The following TTC28 variants were observed in gnomAD, a reference collection of about 807,000 sequenced individuals.
TTC28 encodes tetratricopeptide repeat protein 28.
In TTC28, 61 loss-of-function variants were observed where a neutral mutation model predicts 198.0. The observed-to-expected ratio is 0.31, with a 90% CI of 0.25 to 0.38. The LOEUF (loss-of-function observed/expected upper bound fraction) is 0.38, where lower values mean the gene tolerates loss of function less well. Among genes scored for constraint, TTC28 ranks in the 10% least tolerant of loss-of-function variants. TTC28 has a pLI of 1.00. For missense variants in TTC28, 2,678 were observed against 3,164.0 expected, an observed-to-expected ratio of 0.85 and a Z score of 3.69; for synonymous variants, 1,171 against 1,297.8, an observed-to-expected ratio of 0.90 and a Z score of 2.10.
At chr22:28,111,183 C>T (rs926799610) in intron 6 of TTC28, among the ~76,000 whole-genome samples, 6 of 151,506 alleles carry the variant, frequency 4.0e-5, no homozygotes, top group Admixed American at 6.6e-5. Context: ...TTTTCTATGA[C>T]GAACATATAA....
At chr22:28,549,267 G>A (rs1474319234) in intron 2 of TTC28, among the ~76,000 whole-genome samples, 1 of 152,072 alleles carries the variant, frequency 6.6e-6, no homozygotes, top group East Asian at 1.9e-4. Flanking sequence ...GACCTCAGGT[G>A]ATCTACCCAC....
At chr22:28,461,437 G>T (rs1387707951) in intron 2 of TTC28, among the ~76,000 whole-genome samples, 1 of 146,660 alleles carries the variant, frequency 6.8e-6, no homozygotes, top group Non-Finnish European at 1.5e-5. Context: ...TCTTTCTTCA[G>T]TTTTTTTTTT....
At chr22:27,991,858 T>A (rs1420473394) in intron 19 of TTC28, among the ~76,000 whole-genome samples, 1 of 152,204 alleles carries the variant, frequency 6.6e-6, no homozygotes, top group Non-Finnish European at 1.5e-5. Flanking sequence ...CTGAACTAGA[T>A]CTGTATTTTC....
intron 5 of TTC28, among the ~76,000 whole-genome samples, chr22:28,268,904 A>C (rs1178488714): frequency 6.6e-6 from 1 of 152,154 alleles, no homozygotes; most frequent in Non-Finnish European, 1.5e-5. Context: ...TACTATGACA[A>C]TCTATTCTTT....
At chr22:28,162,316 TTAA>T (rs1921308260) in intron 6 of TTC28, among the ~76,000 whole-genome samples, 1 of 152,240 alleles carries the variant, frequency 6.6e-6, no homozygotes, top group Admixed American at 6.5e-5. Flanking sequence ...ATTAAAACTA[TTAA>T]TATTATTTTT....
Position 28,094,159 on chromosome 22 carries a change from G to C in TTC28, c.3853C>G (p.Pro1285Ala), listed in dbSNP as rs1569135226. The change falls in exon 12 of 23, where the codon CCA becomes GCA. Residue 1285 changes from proline to alanine, a missense_variant. Physicochemically the swap from Pro to Ala is conservative, Grantham distance 27 (BLOSUM62 -1). Coordinates refer to ENST00000397906, the MANE Select transcript of TTC28 (RefSeq NM_001145418.2). The stretch of plus-strand genomic sequence containing the variant: ...TCCAGGGCTGAGCCGGTTGCTGTTG[G>C]AAGGGTTACACTGCTGCTGGCCTGG... ...DFQASSSVTL[P>A]TATGSALEQH... The C allele has an allele frequency of 2.6e-6, 4 of 1,551,646 alleles. No homozygotes were observed. The highest frequency in any genetic ancestry group is 3.5e-6 in the Non-Finnish European group (4 of 1,146,944).
rs1199331445 is a variant in TTC28, at chr22:28,677,176, ATAT to A, written c.102+2443_102+2445del. Among the ~76,000 whole-genome samples, 149 of 59,328 alleles carry A rather than the reference ATAT, an allele frequency of 2.5e-3. 2 individuals carry two copies. Among genetic ancestry groups the A allele is most frequent in the African/African-American group, 1.8e-3 (22 of 12,168 alleles). The allele number at this position is 59,328 out of a possible 152,430, so 38.9% of individuals were successfully genotyped here. A position where few individuals can be genotyped will look rare whatever the true frequency, so the allele number is the denominator to read the frequency against. On this transcript the variant is annotated intron_variant, in intron 1 of 22. Transcript: ENST00000397906. ...ATCTCAGGAAAAAAAAAAAAAAAAAATATATATATATATATATATATATATACA... is the reference window on the plus strand; with the variant it reads ...ATCTCAGGAAAAAAAAAAAAAAAAAAATATATATATATATATATATATACA...
At chr22:28,357,780 C>A (rs1227803851) in intron 2 of TTC28, among the ~76,000 whole-genome samples, 2 of 152,186 alleles carry the variant, frequency 1.3e-5, no homozygotes, top group African/African-American at 4.8e-5. Flanking sequence ...CCAATACACA[C>A]CTTGACCCAC....
chr22:28,280,772 G>C (rs2044568898), intron 5 of TTC28, among the ~76,000 whole-genome samples: 1 of 152,044 alleles, frequency 6.6e-6, no homozygotes, highest in Admixed American at 6.5e-5. Context: ...ATTTCTTATA[G>C]CGCAGGTCTG....
chr22:28,111,354 C>T (rs1418185972), intron 6 of TTC28, among the ~76,000 whole-genome samples: 1 of 152,134 alleles, frequency 6.6e-6, no homozygotes, highest in Non-Finnish European at 1.5e-5. Context: ...AAAATCTAAG[C>T]TTCCCGAGAG....
chr22:28,115,610 A>C (rs978875960), intron 6 of TTC28, among the ~76,000 whole-genome samples: 1 of 152,386 alleles, frequency 6.6e-6, no homozygotes, highest in East Asian at 1.9e-4. Context: ...AGGAGGATGC[A>C]GATGTAATCT....
At position 28,215,300 on chromosome 22, in the gene TTC28, G is replaced by T. The variant is rs115996548; in HGVS notation, c.934-51701C>A. 9.7e-3 allele frequency among the ~76,000 whole-genome samples: 1,469 copies of T among 152,118 alleles called. 21 individuals carry two copies. Among genetic ancestry groups the T allele is most frequent in the African/African-American group, 0.033 (1,389 of 41,510 alleles). Reference sequence around the variant, plus strand: ...GTATAATAATAAATAAATAAATAAAGAAGACTGGATCAGATGGTCTGCATG... The same window carrying T: ...GTATAATAATAAATAAATAAATAAATAAGACTGGATCAGATGGTCTGCATG... On this transcript the variant is annotated intron_variant, in intron 5 of 22. Coordinates refer to ENST00000397906, the MANE Select transcript of TTC28 (RefSeq NM_001145418.2).
At chr22:28,298,130 C>T (rs1417855877) in intron 3 of TTC28, among the ~76,000 whole-genome samples, 1 of 152,016 alleles carries the variant, frequency 6.6e-6, no homozygotes, top group Non-Finnish European at 1.5e-5. Context: ...CTGAATAGTT[C>T]CCTCTCCTCT....
intron 2 of TTC28, among the ~76,000 whole-genome samples, chr22:28,471,265 C>T (rs995384718): frequency 5.9e-5 from 9 of 152,166 alleles, no homozygotes; most frequent in African/African-American, 1.9e-4. Context: ...GGTGCTGGAA[C>T]TCTTTGTACC....
At chr22:28,244,645 G>A (rs536833551) in intron 5 of TTC28, among the ~76,000 whole-genome samples, 61 of 152,124 alleles carry the variant, frequency 4.0e-4, no homozygotes, top group African/African-American at 1.4e-3. Context: ...TCTCTTCCTC[G>A]AGTACTAAAC....
chr22:28,399,214 C>T (rs1345248092), intron 2 of TTC28, among the ~76,000 whole-genome samples: 2 of 151,818 alleles, frequency 1.3e-5, no homozygotes, highest in African/African-American at 2.4e-5. Flanking sequence ...ATGAACCCCG[C>T]ATTATCTCTG....
chr22:28,474,567 A>G (rs1198479393), intron 2 of TTC28, among the ~76,000 whole-genome samples: 2 of 152,236 alleles, frequency 1.3e-5, no homozygotes, highest in East Asian at 3.8e-4. Context: ...AAAGGCTTAC[A>G]TGTTTGGCCC....
intron 12 of TTC28, among the ~76,000 whole-genome samples, chr22:28,037,734 G>A (rs1387793069): frequency 6.6e-6 from 1 of 152,180 alleles, no homozygotes; most frequent in East Asian, 1.9e-4. Context: ...AAGTGTCCCT[G>A]TTTGCAGATG....
intron 6 of TTC28, among the ~76,000 whole-genome samples, chr22:28,142,164 T>C (rs995357529): frequency 6.6e-6 from 1 of 152,210 alleles, no homozygotes; most frequent in African/African-American, 2.4e-5. Flanking sequence ...GCCTCCAAGG[T>C]ACATCGTGAA....
Sources: gnomAD v4.1 joint callset for allele counts (sites outside exome capture counted in the v4.1 genomes callset) on GRCh38, gnomAD v4.1.1 for gene constraint, MANE v1.5 for transcripts, NCBI Gene and HGNC (gene_info 2026-07-23, HGNC 2026-07-21) for gene names.